PCDHA3: variants seen among roughly 807,000 people sequenced by gnomAD.
PCDHA3 encodes protocadherin alpha 3, also known as protocadherin alpha-3.
PCDHA3 carries 41 observed loss-of-function variants against 62.2 expected under a neutral mutation model. That is an observed-to-expected ratio of 0.66 (90% CI 0.51 to 0.86). The LOEUF is 0.86. Ranked by LOEUF, PCDHA3 falls within the 40% of genes least tolerant of loss-of-function variation. PCDHA3 has a pLI of 0.00. For synonymous variants in PCDHA3, 640 were observed against 555.4 expected, an observed-to-expected ratio of 1.15 and a Z score of -2.14; for missense variants, 1,304 against 1,241.2, an observed-to-expected ratio of 1.05 and a Z score of -0.76.
chr5:140,962,107 G>A (rs1010906038), intron 1 of PCDHA3, among the ~76,000 whole-genome samples: 20 of 151,860 alleles, frequency 1.3e-4, no homozygotes, highest in African/African-American at 4.4e-4. Flanking sequence ...GGATGGTCTC[G>A]ATCTCCTAAC....
chr5:140,944,710 T>C (rs564606677), intron 1 of PCDHA3, among the ~76,000 whole-genome samples: 1 of 152,300 alleles, frequency 6.6e-6, no homozygotes, highest in East Asian at 1.9e-4. Flanking sequence ...TCAGGTTATT[T>C]TGCCTTTGAA....
intron 1 of PCDHA3, among the ~76,000 whole-genome samples, chr5:140,846,008 T>C (rs1253798347): frequency 1.3e-5 from 2 of 149,708 alleles, no homozygotes; most frequent in African/African-American, 2.4e-5. Context: ...ATGAAAAAAA[T>C]CTAAAAGTTA....
chr5:140,814,325 T>A (rs1765488694), intron 1 of PCDHA3: 1 of 152,342 alleles, frequency 6.6e-6, no homozygotes, highest in African/African-American at 2.4e-5. Context: ...CCATATCTTG[T>A]CCCACTGGAA....
chr5:140,951,773 A>T (rs1554220071), intron 1 of PCDHA3, among the ~76,000 whole-genome samples: 1 of 152,198 alleles, frequency 6.6e-6, no homozygotes, highest in East Asian at 1.9e-4. Context: ...TGACGTTCTT[A>T]CATTGCAAAA....
chr5:140,843,487 G>A (rs2150361131), intron 1 of PCDHA3: 2 of 1,596,050 alleles, frequency 1.3e-6, no homozygotes, highest in Admixed American at 1.7e-5. Context: ...CTGCGCTGCG[G>A]TGCTCAGCAC....
Position 140,927,036 on chromosome 5 carries a change from C to T in PCDHA3, c.2395-51913C>T, listed in dbSNP as rs137875923. 7.2e-5 allele frequency: 116 copies of T among 1,612,314 alleles called. No individual in the cohort carries two copies. In the African/African-American group the frequency reaches 1.3e-3, roughly 19 times the overall value. ...CCGCGGACTTGAGGCTGCCAGCGGC[C>T]GCTATGTCCTCGCGGAACTTTCGCT... On this transcript the variant is annotated intron_variant, in intron 1 of 3. Coordinates refer to ENST00000522353, the MANE Select transcript of PCDHA3 (RefSeq NM_018906.3).
At chr5:140,840,041 T>C (rs1220920510) in intron 1 of PCDHA3, among the ~76,000 whole-genome samples, 3 of 152,082 alleles carry the variant, frequency 2.0e-5, no homozygotes, top group East Asian at 3.9e-4. Flanking sequence ...ATCTCCCAGA[T>C]GGAAGTCTAA....
chr5:140,985,554 A>G (rs1563525071), intron 3 of PCDHA3, among the ~76,000 whole-genome samples: 1 of 152,114 alleles, frequency 6.6e-6, no homozygotes, highest in Non-Finnish European at 1.5e-5. Flanking sequence ...GTTGCTTCCA[A>G]AAGGCTTCTT....
chr5:140,836,713 C>T, intron 1 of PCDHA3: 2 of 1,613,054 alleles, frequency 1.2e-6, no homozygotes, highest in Non-Finnish European at 1.7e-6. Flanking sequence ...CCCAGCCTTC[C>T]TCAGGGTCCA....
intron 1 of PCDHA3, chr5:140,842,463 C>T (rs1554139058): frequency 1.9e-6 from 3 of 1,613,672 alleles, no homozygotes; most frequent in Admixed American, 3.3e-5. Flanking sequence ...GATTCAGGTG[C>T]CAACGGGCAG....
intron 1 of PCDHA3, chr5:140,862,974 T>G: frequency 1.8e-6 from 1 of 545,638 alleles, no homozygotes; most frequent in Non-Finnish European, 3.6e-6. Flanking sequence ...GCAGGCCACT[T>G]GGTGGCGAAG....
At chr5:140,807,230 C>G in intron 1 of PCDHA3, 1 of 1,614,194 alleles carries the variant, frequency 6.2e-7, no homozygotes, top group Non-Finnish European at 8.5e-7. Context: ...CCGGCGTCTG[C>G]TGCTCTTACT....
At chr5:140,969,513 A>G (rs2096339726) in intron 1 of PCDHA3, 1 of 1,417,106 alleles carries the variant, frequency 7.1e-7, no homozygotes, top group Non-Finnish European at 9.4e-7. Context: ...ATAGCACTAA[A>G]GAATTGTTTT....
rs2150476590 is a variant in PCDHA3, at chr5:140,850,267, T to G, written c.2394+46676T>G. The G allele has an allele frequency of 4.4e-6, 7 of 1,592,494 alleles. 2 individuals carry two copies. Among genetic ancestry groups the G allele is most frequent in the Non-Finnish European group, 6.0e-6 (7 of 1,166,766 alleles). On this transcript the variant is annotated intron_variant, in intron 1 of 3. Coordinates refer to ENST00000522353, the MANE Select transcript of PCDHA3 (RefSeq NM_018906.3). ...CGGTCGGTGGGCGCCGGCGTAGTGG[T>G]GGGGAAGGTGCGCGCAGTGGACGCC...
intron 1 of PCDHA3, chr5:140,868,996 G>T: frequency 6.6e-7 from 1 of 1,516,608 alleles, no homozygotes; most frequent in South Asian, 1.4e-5. Flanking sequence ...CACCGTTTAA[G>T]GATCCTTTGA....
At chr5:140,855,462 A>C (rs2043478847) in intron 1 of PCDHA3, among the ~76,000 whole-genome samples, 1 of 149,974 alleles carries the variant, frequency 6.7e-6, no homozygotes, top group Admixed American at 6.7e-5. Context: ...AACACCTCAC[A>C]GATAGTTGAT....
chr5:140,835,672 G>C, intron 1 of PCDHA3: 1 of 1,613,926 alleles, frequency 6.2e-7, no homozygotes, highest in Non-Finnish European at 8.5e-7. Flanking sequence ...GCGCGGGACG[G>C]GGGCTCGCCT....
intron 1 of PCDHA3, chr5:140,807,901 T>C (rs1764058639): frequency 6.2e-7 from 1 of 1,613,982 alleles, no homozygotes; most frequent in African/African-American, 1.3e-5. Flanking sequence ...CCAATGACAA[T>C]GCCCCAGCTT....
Position 140,803,429 on chromosome 5 carries a change from G to A in PCDHA3, c.2232G>A (p.Ala744=), listed in dbSNP as rs782400745. The A allele has an allele frequency of 1.1e-5, 17 of 1,614,106 alleles. No individual in the cohort carries two copies. The highest frequency in any genetic ancestry group is 1.4e-5 in the Non-Finnish European group (16 of 1,180,056). Residue 744 remains alanine (A), a synonymous_variant, in exon 1 of 4, where the codon GCG becomes GCA. Coordinates refer to ENST00000522353, the MANE Select transcript of PCDHA3 (RefSeq NM_018906.3). The part of the protein sequence containing the change: ...PGKPTLVCSS[A]VGSWSYSQQR... ...AGCCCACGCTGGTGTGCTCCAGCGC[G>A]GTGGGGAGCTGGTCATACTCGCAGC... is the stretch of plus-strand genomic sequence containing the variant.
Sources: allele counts gnomAD v4.1 joint callset (sites outside exome capture counted in the v4.1 genomes callset), GRCh38; gene constraint gnomAD v4.1.1; transcripts MANE v1.5; gene names NCBI Gene and HGNC (gene_info 2026-07-23, HGNC 2026-07-21).